B3GAT2: variants seen among roughly 807,000 people sequenced by gnomAD.
The protein encoded by B3GAT2 is galactosylgalactosylxylosylprotein 3-beta-glucuronosyltransferase 2.
In B3GAT2, 26 loss-of-function variants were observed where a neutral mutation model predicts 27.8. The observed-to-expected ratio is 0.93, with a 90% CI of 0.68 to 1.30. The LOEUF (loss-of-function observed/expected upper bound fraction) is 1.30. B3GAT2 is among the 50% of genes most tolerant of loss of function. B3GAT2 has a pLI of 0.00. For synonymous variants in B3GAT2, 218 were observed against 195.1 expected (o/e 1.12, Z -0.98); for missense variants, 458 against 459.0 (o/e 1.00, Z 0.02).
In B3GAT2 at chr6:70,904,066, A is replaced by T. The variant is rs528446714; in HGVS notation, c.592-9794T>A. On this transcript the variant is annotated intron_variant, in intron 1 of 3. Transcript: ENST00000230053. Reference sequence around the variant, plus strand: ...GGACTGCTATTCAGTAAGAGACAGTAATGAATAATTGGTATGCATAATACC... The same window carrying T: ...GGACTGCTATTCAGTAAGAGACAGTTATGAATAATTGGTATGCATAATACC... Among the ~76,000 whole-genome samples the T allele has an allele frequency of 2.0e-5, 3 of 152,352 alleles. No homozygotes were observed. In the South Asian group the frequency reaches 6.2e-4, roughly 32 times the overall value.
chr6:70,946,582 A>C (rs553050484), intron 1 of B3GAT2, among the ~76,000 whole-genome samples: 1 of 152,250 alleles, frequency 6.6e-6, no homozygotes, highest in Non-Finnish European at 1.5e-5. Flanking sequence ...TTCATAAAGC[A>C]AGTCCTGAGT....
intron 2 of B3GAT2, among the ~76,000 whole-genome samples, chr6:70,891,558 T>C (rs1323190194): frequency 6.6e-6 from 1 of 152,196 alleles, no homozygotes; most frequent in Non-Finnish European, 1.5e-5. Flanking sequence ...TGATGGGCTA[T>C]GTGATGACCT....
At chr6:70,862,838 C>T (rs1415574293) in intron 2 of B3GAT2, among the ~76,000 whole-genome samples, 2 of 151,956 alleles carry the variant, frequency 1.3e-5, no homozygotes, top group East Asian at 3.9e-4. Context: ...GGTGTTGTGG[C>T]ACGTGGTGCG....
At position 70,857,176 on chromosome 6, in the gene B3GAT2, G is replaced by T; in HGVS notation, c.*4487C>A. 1.4e-6 allele frequency: 1 copy of T among 714,228 alleles called. No individual in the cohort carries two copies. The highest frequency in any genetic ancestry group is 3.0e-5 in the East Asian group (1 of 33,266). 44.2% of individuals were successfully genotyped at this position (714,228 alleles called of 1,614,324 possible). A position where few individuals can be genotyped will look rare whatever the true frequency, so the allele number is the denominator to read the frequency against. ...GTTTATACAACTATGAAGCCGAAAT[G>T]AATGAGCATTAGAATTAAAAAATTA... is the stretch of plus-strand genomic sequence containing the variant. On this transcript the variant is annotated 3_prime_UTR_variant, in exon 4 of 4. Transcript: ENST00000230053.
intron 1 of B3GAT2, 105 bp from the exon 2 acceptor site, chr6:70,894,377 T>A: frequency 2.4e-6 from 3 of 1,268,798 alleles, no homozygotes; most frequent in Non-Finnish European, 3.2e-6. Flanking sequence ...GGTGTAAGAT[T>A]TCAAAAGCTG....
chr6:70,902,641 C>T (rs58514059), intron 1 of B3GAT2, among the ~76,000 whole-genome samples: 25,037 of 116,024 alleles, frequency 0.22, 2,834 homozygotes, highest in African/African-American at 0.37. Flanking sequence ...TATATATACA[C>T]ACACACACAC....
intron 2 of B3GAT2, among the ~76,000 whole-genome samples, chr6:70,879,980 T>TGGAGCCTA (rs761687261): frequency 1.3e-5 from 2 of 151,020 alleles, no homozygotes; most frequent in Non-Finnish European, 2.9e-5. Flanking sequence ...TGTTTTAACC[T>TGGAGCCTA]GGAGCCTAAC....
At chr6:70,888,086 C>T (rs538221747) in intron 2 of B3GAT2, among the ~76,000 whole-genome samples, 54 of 152,264 alleles carry the variant, frequency 3.5e-4, no homozygotes, top group African/African-American at 1.2e-3. Context: ...GGAGTGGACA[C>T]GGGAGAGGGC....
At chr6:70,928,529 A>T (rs2150044739) in intron 1 of B3GAT2, among the ~76,000 whole-genome samples, 1 of 152,344 alleles carries the variant, frequency 6.6e-6, no homozygotes, top group African/African-American at 2.4e-5. Flanking sequence ...ACGGAAATAC[A>T]AACTACCATC....
chr6:70,910,034 C>G (rs918390016), intron 1 of B3GAT2, among the ~76,000 whole-genome samples: 1 of 142,592 alleles, frequency 7.0e-6, no homozygotes, highest in African/African-American at 2.5e-5. Context: ...CCACCACACC[C>G]GGCTAATTTT....
chr6:70,942,916 C>G (rs1765417487), intron 1 of B3GAT2, among the ~76,000 whole-genome samples: 1 of 152,174 alleles, frequency 6.6e-6, no homozygotes, highest in Admixed American at 6.5e-5. Context: ...ATTTAGCACA[C>G]TCAGCTTTCA....
At chr6:70,927,715 A>C (rs1351876887) in intron 1 of B3GAT2, among the ~76,000 whole-genome samples, 1 of 152,112 alleles carries the variant, frequency 6.6e-6, no homozygotes, top group Non-Finnish European at 1.5e-5. Flanking sequence ...TAGACTCCCA[A>C]ACAATAATAA....
Position 70,856,824 on chromosome 6 carries a change from C to A in B3GAT2, c.*4839G>T. 1 of 1,554,264 alleles carries A rather than the reference C, an allele frequency of 6.4e-7. No individual in the cohort carries two copies. The highest frequency in any genetic ancestry group is 8.7e-7 in the Non-Finnish European group (1 of 1,150,314). On this transcript the variant is annotated 3_prime_UTR_variant, in exon 4 of 4. Coordinates refer to ENST00000230053, the MANE Select transcript of B3GAT2 (RefSeq NM_080742.3). ...AATGGATAAGCTGCGCTTTACTATG[C>A]AGAATTTGATAGCTTATTTTGGTGT... is the stretch of plus-strand genomic sequence containing the variant.
intron 1 of B3GAT2, among the ~76,000 whole-genome samples, chr6:70,911,198 A>G (rs1011348368): frequency 6.6e-6 from 1 of 152,018 alleles, no homozygotes; most frequent in African/African-American, 2.4e-5. Context: ...TTTTGTTGCA[A>G]TTGCTTTTGG....
intron 1 of B3GAT2, among the ~76,000 whole-genome samples, chr6:70,931,761 G>GATAT (rs1172484519): frequency 6.6e-6 from 1 of 152,110 alleles, no homozygotes; most frequent in Non-Finnish European, 1.5e-5. Context: ...TGATTTCTTA[G>GATAT]ATATATAACA....
At position 70,902,635 on chromosome 6, in the gene B3GAT2, T is replaced by TACACACAC. The variant is rs748935490; in HGVS notation, c.592-8364_592-8363insGTGTGTGT. On this transcript the variant is annotated intron_variant, in intron 1 of 3. Coordinates refer to ENST00000230053, the MANE Select transcript of B3GAT2 (RefSeq NM_080742.3). ...AAAATGGGATATATATATATATATA[T>TACACACAC]ATACACACACACACACACACACACA... Among the ~76,000 whole-genome samples the TACACACAC allele has an allele frequency of 8.0e-4, 114 of 143,248 alleles. 1 individual carries two copies. The highest frequency in any genetic ancestry group is 3.0e-3 in the African/African-American group (113 of 37,922). The allele number at this position is 143,248 out of a possible 152,430, so 94.0% of individuals were successfully genotyped here. A position where few individuals can be genotyped will look rare whatever the true frequency, so the allele number is the denominator to read the frequency against.
intron 1 of B3GAT2, among the ~76,000 whole-genome samples, chr6:70,947,259 C>T (rs1026944693): frequency 9.9e-5 from 15 of 151,398 alleles, no homozygotes; most frequent in African/African-American, 3.6e-4. Flanking sequence ...AATAGAGACA[C>T]AAAAAACCCT....
chr6:70,884,048 G>A (rs1472869230), intron 2 of B3GAT2, among the ~76,000 whole-genome samples: 1 of 131,936 alleles, frequency 7.6e-6, no homozygotes, highest in African/African-American at 2.9e-5. Context: ...GATCACTTTC[G>A]CCCGCCTCTC....
chr6:70,940,035 A>C (rs1188828179), intron 1 of B3GAT2, among the ~76,000 whole-genome samples: 4 of 152,110 alleles, frequency 2.6e-5, no homozygotes, highest in Non-Finnish European at 5.9e-5. Flanking sequence ...GTCTGGCCAC[A>C]ATTCTTGCCA....
Sources: allele counts gnomAD v4.1 joint callset (sites outside exome capture counted in the v4.1 genomes callset), GRCh38; gene constraint gnomAD v4.1.1; transcripts MANE v1.5; gene names NCBI Gene and HGNC (gene_info 2026-07-23, HGNC 2026-07-21).